HDDC3: variants seen among roughly 807,000 people sequenced by gnomAD.
HDDC3 encodes the protein HD domain containing 3, also known as guanosine-3',5'-bis(diphosphate) 3'-pyrophosphohydrolase MESH1.
A neutral mutation model predicts 19.1 loss-of-function variants in HDDC3; 18 were observed. The observed-to-expected ratio is 0.94, with a 90% CI of 0.65 to 1.40. The LOEUF is 1.40. Ranked by LOEUF, HDDC3 falls within the 40% of genes most tolerant of loss-of-function variation. HDDC3 has a pLI of 0.00. For missense variants in HDDC3, 250 were observed against 228.9 expected, an observed-to-expected ratio of 1.09 and a Z score of -0.59; for synonymous variants, 107 against 99.4, an observed-to-expected ratio of 1.08 and a Z score of -0.46.
At position 90,931,102 on chromosome 15, in the gene HDDC3, C is replaced by T. The variant is rs2035772936; in HGVS notation, c.*173G>A. ...TACATCTGATTCCCACCACGCGGGG[C>T]TCAGCTTAGTTAGCAGGAGACCTTC... is the stretch of plus-strand genomic sequence containing the variant. On this transcript the variant is annotated 3_prime_UTR_variant, in exon 4 of 4. Transcript: ENST00000394272. 1.4e-6 allele frequency: 1 copy of T among 707,310 alleles called. No homozygotes were observed. The highest frequency in any genetic ancestry group is 1.8e-5 in the African/African-American group (1 of 55,974). 43.8% of individuals were successfully genotyped at this position (707,310 alleles called of 1,614,324 possible).
rs1226608064 is a variant in HDDC3, at chr15:90,931,299, G to C, written c.516C>G (p.Phe172Leu). 51 of 1,550,834 alleles carry C rather than the reference G, an allele frequency of 3.3e-5. No individual in the cohort carries two copies. The highest frequency in any genetic ancestry group is 4.4e-5 in the Non-Finnish European group (51 of 1,147,060). ...ATCAGATTGTCAGCCCCCGCTGCTT[G>C]AACAGATGCTTTAGAGCCTCTTCCA... ...RQLEEALKHL[F>L]KQRGLTI Residue 172 changes from phenylalanine (F) to leucine (L), a missense_variant, in exon 4 of 4, where the codon TTC (phenylalanine) becomes TTG (leucine). Physicochemically the swap from Phe to Leu is conservative, Grantham distance 22 (BLOSUM62 0). Transcript: ENST00000394272.
rs768170153 is a variant in HDDC3 at position 90,931,433 on chromosome 15, A to G, written c.410-28T>C. The G allele has an allele frequency of 2.2e-5, 36 of 1,609,178 alleles. 2 individuals carry two copies. The East Asian group carries it at 7.6e-4, about 34-fold the overall frequency. ...GCATAAGAGTCGACAGAAACTTGCT[A>G]GCGTGATGTCAAGGAAAGCACTGCC... On this transcript the variant is annotated intron_variant, in intron 3 of 3. Transcript: ENST00000394272.
chr15:90,932,077 A>T lies in HDDC3; in HGVS notation c.146T>A (p.Ile49Asn). 6.2e-7 allele frequency: 1 copy of T among 1,610,006 alleles called. No individual in the cohort carries two copies. The highest frequency in any genetic ancestry group is 8.5e-7 in the Non-Finnish European group (1 of 1,177,634). ...VARILTHEAG[I>N]TDIVVLQAAL... ...TACCTGTAACACCACAATGTCAGTG[A>T]TTCCCGCCTCGTGGGTCAGGATCCG... is the stretch of plus-strand genomic sequence containing the variant. Residue 49 changes from isoleucine (I) to asparagine (N), a missense_variant, in exon 2 of 4, where the codon ATC (isoleucine) becomes AAC (asparagine). Ile to Asn is a moderately radical substitution (Grantham distance 149). Transcript: ENST00000394272.
Position 90,931,413 on chromosome 15 carries a change from A to C in HDDC3, c.410-8T>G, listed in dbSNP as rs764514278. 2 of 1,594,712 alleles carry C rather than the reference A, an allele frequency of 1.3e-6. No homozygotes were observed. The highest frequency in any genetic ancestry group is 2.2e-5 in the South Asian group (2 of 88,892). On this transcript the variant is annotated splice_region_variant and splice_polypyrimidine_tract_variant and intron_variant, in intron 3 of 3. Transcript: ENST00000394272. The stretch of plus-strand genomic sequence containing the variant: ...CTCGATGTTCTGACCATCCTGCATA[A>C]GAGTCGACAGAAACTTGCTAGCGTG...
Position 90,931,212 on chromosome 15 carries a change from G to T in HDDC3, c.*63C>A. Reference sequence around the variant, plus strand: ...GCTCAGGAGACACAGAAAAGATGGCGTATGAATCCTGTCCGGCCTGAACGA... The same window carrying T: ...GCTCAGGAGACACAGAAAAGATGGCTTATGAATCCTGTCCGGCCTGAACGA... On this transcript the variant is annotated 3_prime_UTR_variant, in exon 4 of 4. Transcript: ENST00000394272. 1 of 1,528,008 alleles carries T rather than the reference G, an allele frequency of 6.5e-7. No homozygotes were observed. Among genetic ancestry groups the T allele is most frequent in the South Asian group, 1.2e-5 (1 of 83,292 alleles). The allele number at this position is 1,528,008 out of a possible 1,614,324, so 94.7% of individuals were successfully genotyped here.
chr15:90,932,151 G>T (rs780462581), intron 1 of HDDC3, 41 bp from the exon 2 acceptor site: 2 of 1,554,962 alleles, frequency 1.3e-6, no homozygotes, highest in Admixed American at 3.7e-5. Context: ...GTCGGAGGTA[G>T]TCCCAAGGCG....
chr15:90,932,130 C>A lies in HDDC3; in HGVS notation c.113-20G>T. ...CCACACCTGACGGGGAGGGGCAAAG[C>A]AGGAAGTCAGGTCGGAGGTAGTCCC... On this transcript the variant is annotated intron_variant, in intron 1 of 3. Coordinates refer to ENST00000394272, the MANE Select transcript of HDDC3 (RefSeq NM_001286451.2). The A allele has an allele frequency of 6.3e-7, 1 of 1,575,530 alleles. No homozygotes were observed. Among genetic ancestry groups the A allele is most frequent in the Non-Finnish European group, 8.6e-7 (1 of 1,157,708 alleles).
In HDDC3 at chr15:90,930,955, C is replaced by T. The variant is rs1245762422; in HGVS notation, c.*320G>A. 3 of 293,298 alleles carry T rather than the reference C, an allele frequency of 1.0e-5. No individual in the cohort carries two copies. The highest frequency in any genetic ancestry group is 8.0e-5 in the East Asian group (1 of 12,574). 18.2% of individuals were successfully genotyped at this position (293,298 alleles called of 1,614,324 possible). Reference sequence around the variant, plus strand: ...CCAGAGTTATTTTTATTTTCCAGAACGTGTTAGGAACTAGTACTTAAATAA... The same window carrying T: ...CCAGAGTTATTTTTATTTTCCAGAATGTGTTAGGAACTAGTACTTAAATAA... On this transcript the variant is annotated 3_prime_UTR_variant, in exon 4 of 4. Coordinates refer to ENST00000394272, the MANE Select transcript of HDDC3 (RefSeq NM_001286451.2).
chr15:90,932,542 G>C lies in HDDC3; in HGVS notation c.-2C>G. 8.0e-7 allele frequency: 1 copy of C among 1,257,680 alleles called. No homozygotes were observed. The highest frequency in any genetic ancestry group is 1.0e-6 in the Non-Finnish European group (1 of 1,000,412). 77.9% of individuals were successfully genotyped at this position (1,257,680 alleles called of 1,614,324 possible). The stretch of plus-strand genomic sequence containing the variant: ...CAGCTGCGCCGCCTCAGAGCCCATC[G>C]CGCGGATGGGGCCGACGACTGCGGC... On this transcript the variant is annotated 5_prime_UTR_variant, in exon 1 of 4. Transcript: ENST00000394272.
At position 90,932,450 on chromosome 15, in the gene HDDC3, G is replaced by A. The variant is rs907311994; in HGVS notation, c.91C>T (p.Pro31Ser). The change falls in exon 1 of 4, where the codon CCC becomes TCC. Residue 31 changes from proline (P) to serine (S), a missense_variant. Transcript: ENST00000394272. ...CCACCGATGGGGTGGTTGATGTAGG[G>A]GGTCCCCTCGGGGTCCTTCCGCCGC... ...QQRRKDPEGTPYINHPIGVAR... is the reference protein window; with the variant it reads ...QQRRKDPEGTSYINHPIGVAR... 1.5e-6 allele frequency: 2 copies of A among 1,357,358 alleles called. No homozygotes were observed. Among genetic ancestry groups the A allele is most frequent in the Non-Finnish European group, 1.9e-6 (2 of 1,057,090 alleles). The allele number at this position is 1,357,358 out of a possible 1,614,324, so 84.1% of individuals were successfully genotyped here.
Position 90,931,246 on chromosome 15 carries a change from T to A in HDDC3, c.*29A>T. ...CTGTCCGGCCTGAACGAGGCTGGAG[T>A]TGTGCCTCTGGATAGCTTCAAGCAC... On this transcript the variant is annotated 3_prime_UTR_variant, in exon 4 of 4. Transcript: ENST00000394272. The A allele has an allele frequency of 1.9e-6, 3 of 1,550,162 alleles. No homozygotes were observed. Among genetic ancestry groups the A allele is most frequent in the Non-Finnish European group, 1.7e-6 (2 of 1,146,690 alleles).
rs2151347588 is a variant in HDDC3 at position 90,931,223 on chromosome 15, G to T, written c.*52C>A. 1.9e-6 allele frequency: 3 copies of T among 1,543,650 alleles called. No individual in the cohort carries two copies. In the African/African-American group the frequency reaches 4.1e-5, roughly 21 times the overall value. On this transcript the variant is annotated 3_prime_UTR_variant, in exon 4 of 4. Coordinates refer to ENST00000394272, the MANE Select transcript of HDDC3 (RefSeq NM_001286451.2). ...ACAGAAAAGATGGCGTATGAATCCTGTCCGGCCTGAACGAGGCTGGAGTTG... is the reference window on the plus strand; with the variant it reads ...ACAGAAAAGATGGCGTATGAATCCTTTCCGGCCTGAACGAGGCTGGAGTTG...
Position 90,931,370 on chromosome 15 carries a change from A to G in HDDC3, c.445T>C (p.Trp149Arg). Residue 149 changes from tryptophan to arginine, a missense_variant, in exon 4 of 4, where the codon TGG becomes CGG. Coordinates refer to ENST00000394272, the MANE Select transcript of HDDC3 (RefSeq NM_001286451.2). The stretch of plus-strand genomic sequence containing the variant: ...AGCCCCTTCACCACCTGCGCTGCCC[A>G]CTCGAAGTATTCCTGGACTCGATGT... The part of the protein sequence containing the change: ...SEHRVQEYFE[W>R]AAQVVKGLQG... 6.4e-7 allele frequency: 1 copy of G among 1,557,110 alleles called. No individual in the cohort carries two copies. Among genetic ancestry groups the G allele is most frequent in the East Asian group, 2.4e-5 (1 of 41,084 alleles).
intron 3 of HDDC3, 44 bp downstream of exon 3, chr15:90,931,660 G>T (rs1396720229): frequency 2.5e-6 from 4 of 1,613,924 alleles, no homozygotes; most frequent in South Asian, 1.1e-5. Context: ...TTCAGAAGGC[G>T]GCATCCCCCT....
At position 90,930,912 on chromosome 15, in the gene HDDC3, A is replaced by C. The variant is rs766234266; in HGVS notation, c.*363T>G. 3.4e-5 allele frequency: 8 copies of C among 233,722 alleles called. No homozygotes were observed. The highest frequency in any genetic ancestry group is 6.9e-5 in the Non-Finnish European group (8 of 115,768). The allele number at this position is 233,722 out of a possible 1,614,324, so 14.5% of individuals were successfully genotyped here. ...AGTCGGAGGCTGGAGAAGGAGCAGC[A>C]GCAGCTTAAACCTTAACCCAGAGTT... On this transcript the variant is annotated 3_prime_UTR_variant, in exon 4 of 4. Coordinates refer to ENST00000394272, the MANE Select transcript of HDDC3 (RefSeq NM_001286451.2).
rs1567142801 is a variant in HDDC3, at chr15:90,930,199, C to G, written c.*1076G>C. 1 of 152,236 alleles carries G rather than the reference C, an allele frequency of 6.6e-6. No homozygotes were observed. The highest frequency in any genetic ancestry group is 2.1e-4 in the South Asian group (1 of 4,820). The allele number at this position is 152,236 out of a possible 1,614,324, so 9.4% of individuals were successfully genotyped here. A position where few individuals can be genotyped will look rare whatever the true frequency, so the allele number is the denominator to read the frequency against. ...CCTGTCACTTAACAACCGAAGTAACCCGCAATGCGGAAGGGCGAGGGGATT... is the reference window on the plus strand; with the variant it reads ...CCTGTCACTTAACAACCGAAGTAACGCGCAATGCGGAAGGGCGAGGGGATT... On this transcript the variant is annotated 3_prime_UTR_variant, in exon 4 of 4. Transcript: ENST00000394272.
At position 90,930,182 on chromosome 15, in the gene HDDC3, T is replaced by C. The variant is rs540148274; in HGVS notation, c.*1093A>G. ...GGGCCTTCCCGGAAGTCCCTGTCAC[T>C]TAACAACCGAAGTAACCCGCAATGC... On this transcript the variant is annotated 3_prime_UTR_variant, in exon 4 of 4. Transcript: ENST00000394272. 1 of 152,120 alleles carries C rather than the reference T, an allele frequency of 6.6e-6. No homozygotes were observed. Among genetic ancestry groups the C allele is most frequent in the East Asian group, 1.9e-4 (1 of 5,136 alleles). 9.4% of individuals were successfully genotyped at this position (152,120 alleles called of 1,614,324 possible). A position where few individuals can be genotyped will look rare whatever the true frequency, so the allele number is the denominator to read the frequency against.
At position 90,931,823 on chromosome 15, in the gene HDDC3, T is replaced by C. The variant is rs762569636; in HGVS notation, c.290A>G (p.Lys97Arg). 7.4e-6 allele frequency: 12 copies of C among 1,614,042 alleles called. No individual in the cohort carries two copies. In the Admixed American group the frequency reaches 2.0e-4, roughly 27 times the overall value. Residue 97 changes from lysine to arginine, a missense_variant, in exon 3 of 4, where the codon AAG (lysine) becomes AGG (arginine). Physicochemically the swap from Lys to Arg is conservative, Grantham distance 26 (BLOSUM62 2). Transcript: ENST00000394272. The part of the protein sequence containing the change: ...EEVTDDKTLP[K>R]LERKRLQVEQ... ...CACCTGCAGCCTCTTTCTCTCCAGC[T>C]TGGGCAGAGTCTTGTCATCTGTTAC...
intron 1 of HDDC3, 56 bp downstream of exon 1, chr15:90,932,373 T>G: frequency 8.9e-7 from 1 of 1,128,794 alleles, no homozygotes; most frequent in Non-Finnish European, 1.2e-6. Flanking sequence ...CACGTTTCCT[T>G]CCCAGTCCCC....
Sources: allele counts gnomAD v4.1 joint callset, GRCh38; gene constraint gnomAD v4.1.1; transcripts MANE v1.5; gene names NCBI Gene and HGNC (gene_info 2026-07-23, HGNC 2026-07-21).